AGBL4: variants seen among roughly 807,000 people sequenced by gnomAD.
AGBL4 encodes AGBL carboxypeptidase 4.
Under a neutral mutation model 66.4 loss-of-function variants are expected in AGBL4, and 58 were observed. The observed-to-expected ratio is 0.87, with a 90% CI of 0.71 to 1.09. The LOEUF (loss-of-function observed/expected upper bound fraction) is 1.09. Among genes scored for constraint, AGBL4 ranks in the 50% least tolerant of loss-of-function variants. The pLI, the probability that AGBL4 is intolerant of heterozygous loss-of-function variation, is 0.00. For missense variants in AGBL4, 579 were observed against 631.0 expected (o/e 0.92, Z 0.88); for synonymous variants, 234 against 222.9 (o/e 1.05, Z -0.44).
intron 2 of AGBL4, among the ~76,000 whole-genome samples, chr1:49,704,927 AT>A (rs1203833546): frequency 1.3e-5 from 2 of 152,204 alleles, no homozygotes; most frequent in African/African-American, 4.8e-5. Context: ...TCTTGGTTCC[AT>A]AAGAAATTTA....
At chr1:48,759,419 C>T in intron 6 of AGBL4, 3 of 1,375,566 alleles carry the variant, frequency 2.2e-6, no homozygotes, top group Middle Eastern at 2.7e-4. Flanking sequence ...TGTGCAAACA[C>T]TTAGTCAAAG....
intron 3 of AGBL4, among the ~76,000 whole-genome samples, chr1:49,254,861 C>A (rs1325899800): frequency 1.3e-5 from 2 of 152,086 alleles, no homozygotes; most frequent in African/African-American, 4.8e-5. Flanking sequence ...AACAAAGCTG[C>A]ATACCTAAAA....
intron 3 of AGBL4, among the ~76,000 whole-genome samples, chr1:49,461,895 G>C (rs1646521251): frequency 6.6e-6 from 1 of 151,684 alleles, no homozygotes; most frequent in African/African-American, 2.4e-5. Flanking sequence ...TTGGTTCCAA[G>C]ACTTTGCTAT....
At chr1:48,761,409 A>T in intron 6 of AGBL4, 1 of 1,551,764 alleles carries the variant, frequency 6.4e-7, no homozygotes, top group Non-Finnish European at 8.7e-7. Context: ...CATGATTAAG[A>T]GAAAGCTTGG....
intron 2 of AGBL4, among the ~76,000 whole-genome samples, chr1:49,794,521 T>A: frequency 6.6e-6 from 1 of 151,910 alleles, no homozygotes; most frequent in East Asian, 1.9e-4. Flanking sequence ...TCCAATCATG[T>A]CTAAGAAAGT....
chr1:48,970,856 T>C (rs990019834), intron 5 of AGBL4, among the ~76,000 whole-genome samples: 2 of 151,966 alleles, frequency 1.3e-5, no homozygotes, highest in Non-Finnish European at 2.9e-5. Flanking sequence ...TCTGAAAAAA[T>C]ACAGAGGTTG....
intron 11 of AGBL4, among the ~76,000 whole-genome samples, chr1:48,541,728 C>T (rs1644074010): frequency 6.6e-6 from 1 of 152,118 alleles, no homozygotes; most frequent in African/African-American, 2.4e-5. Context: ...AGGATCGCAC[C>T]ATTGCATTCC....
chr1:48,742,506 G>A, intron 6 of AGBL4: 1 of 1,085,164 alleles, frequency 9.2e-7, no homozygotes, highest in Non-Finnish European at 1.2e-6. Flanking sequence ...GTCATTCAGG[G>A]CTAGGCCAGG....
chr1:50,022,731 T>G (rs923719401), intron 1 of AGBL4, among the ~76,000 whole-genome samples: 4 of 151,954 alleles, frequency 2.6e-5, no homozygotes, highest in Non-Finnish European at 5.9e-5. Flanking sequence ...TATACAAGGT[T>G]ATGTATACCA....
At chr1:48,946,616 C>A (rs1656532722) in intron 5 of AGBL4, among the ~76,000 whole-genome samples, 1 of 152,214 alleles carries the variant, frequency 6.6e-6, no homozygotes, top group Admixed American at 6.5e-5. Flanking sequence ...AAAAAGTTAG[C>A]TCACTCTGTG....
intron 2 of AGBL4, among the ~76,000 whole-genome samples, chr1:49,706,126 C>T (rs1010841817): frequency 2.0e-5 from 3 of 152,118 alleles, no homozygotes; most frequent in Non-Finnish European, 4.4e-5. Flanking sequence ...AGGAATGGTA[C>T]CAGTTCCTCT....
intron 3 of AGBL4, among the ~76,000 whole-genome samples, chr1:49,384,969 C>T (rs973460392): frequency 2.0e-5 from 3 of 152,140 alleles, no homozygotes; most frequent in African/African-American, 7.2e-5. Flanking sequence ...TGTCTATTGG[C>T]AGGTGACTGA....
At chr1:48,593,323 G>A (rs564457664) in intron 9 of AGBL4, among the ~76,000 whole-genome samples, 176 of 152,238 alleles carry the variant, frequency 1.2e-3, no homozygotes, top group Admixed American at 4.2e-3. Context: ...CTCATTCTTT[G>A]TGACAGCCAT....
intron 3 of AGBL4, among the ~76,000 whole-genome samples, chr1:49,676,813 CT>C (rs1646587537): frequency 6.6e-6 from 1 of 151,974 alleles, no homozygotes; most frequent in Admixed American, 6.6e-5. Context: ...TGTAATAAAG[CT>C]GAATTTTAAG....
chr1:49,931,588 A>G (rs1270440971), intron 1 of AGBL4, among the ~76,000 whole-genome samples: 1 of 152,032 alleles, frequency 6.6e-6, no homozygotes, highest in Non-Finnish European at 1.5e-5. Context: ...CCATAATCCA[A>G]TCACCTCCCA....
In AGBL4 at chr1:48,862,745, T is replaced by A. The variant is rs111271651; in HGVS notation, c.634+4446A>T. ...ACATCACTACTGCATTTTGGTTACA[T>A]CACTATCCCCAAAATGTACTGCTGT... On this transcript the variant is annotated intron_variant, in intron 6 of 13. Transcript: ENST00000371839. 5.9e-3 allele frequency among the ~76,000 whole-genome samples: 894 copies of A among 152,326 alleles called. 7 individuals are homozygous for A. Among genetic ancestry groups the A allele is most frequent in the Non-Finnish European group, 7.5e-3 (512 of 68,016 alleles).
chr1:49,583,840 G>A (rs939107647), intron 3 of AGBL4, among the ~76,000 whole-genome samples: 2 of 152,078 alleles, frequency 1.3e-5, no homozygotes, highest in Non-Finnish European at 1.5e-5. Context: ...AATTAACTCC[G>A]AATCCTAACC....
chr1:49,915,465 G>A (rs947461754), intron 1 of AGBL4, among the ~76,000 whole-genome samples: 12 of 152,110 alleles, frequency 7.9e-5, no homozygotes, highest in East Asian at 1.9e-4. Flanking sequence ...AGGGTCCCAC[G>A]CCCACCGGGC....
chr1:49,942,664 A>C (rs1197663257), intron 1 of AGBL4, among the ~76,000 whole-genome samples: 3 of 152,180 alleles, frequency 2.0e-5, no homozygotes, highest in Non-Finnish European at 4.4e-5. Flanking sequence ...CTTGTACCAT[A>C]CGTACACAAA....
Sources: gnomAD v4.1 joint callset for allele counts (sites outside exome capture counted in the v4.1 genomes callset) on GRCh38, gnomAD v4.1.1 for gene constraint, MANE v1.5 for transcripts, NCBI Gene and HGNC (gene_info 2026-07-23, HGNC 2026-07-21) for gene names.